TAAR5: variants seen among roughly 807,000 people sequenced by gnomAD.
TAAR5 encodes the protein trace amine associated receptor 5.
TAAR5 carries 27 observed loss-of-function variants against 21.1 expected under a neutral mutation model. The ratio of observed to expected loss-of-function variants is 1.28; its 90% CI spans 0.94 to 1.76. The LOEUF (loss-of-function observed/expected upper bound fraction) is 1.76. Ranked by LOEUF, TAAR5 falls within the 40% of genes most tolerant of loss-of-function variation. TAAR5 has a pLI of 0.00. For missense variants in TAAR5, 495 were observed against 405.6 expected (o/e 1.22, Z -1.89); for synonymous variants, 203 against 167.5 (o/e 1.21, Z -1.64).
At chr6:132,603,955 C>T in the TAAR5 span, among the ~76,000 whole-genome samples, 2 of 151,880 alleles carry the variant, frequency 1.3e-5, no homozygotes, top group Non-Finnish European at 2.9e-5. Flanking sequence ...TACAGAATAA[C>T]TTCTGCTTAT....
At chr6:132,609,008 G>A in the TAAR5 span, 6 of 455,788 alleles carry the variant, frequency 1.3e-5, no homozygotes, top group Non-Finnish European at 1.8e-5. Flanking sequence ...TCCACTGATC[G>A]CATTATGCTG....
At chr6:132,609,876 C>CT in the TAAR5 span, among the ~76,000 whole-genome samples, 10 of 152,296 alleles carry the variant, frequency 6.6e-5, no homozygotes, top group Middle Eastern at 3.4e-3. Flanking sequence ...AGCCATGTAC[C>CT]TATGGGTTAA....
chr6:132,611,589 A>C, the TAAR5 span, among the ~76,000 whole-genome samples: 1 of 152,188 alleles, frequency 6.6e-6, no homozygotes, highest in Non-Finnish European at 1.5e-5. Flanking sequence ...AGTAATTTTA[A>C]AAATTTTTAA....
In TAAR5 at chr6:132,589,412, G is replaced by A. The variant is rs1776869201; in HGVS notation, c.275C>T (p.Thr92Ile). The change falls in exon 1 of 1, where the codon ACC (threonine) becomes ATC (isoleucine). Residue 92 changes from threonine (T) to isoleucine (I), a missense_variant. By Grantham distance (89) the Thr-to-Ile change is moderately conservative (BLOSUM62 -1). Coordinates refer to ENST00000258034, the MANE Select transcript of TAAR5 (RefSeq NM_003967.3). ...CCAGCAGCTCTCCACTGAGCGAATGGTGCTGAGGGGCAGCACCAGCAGACC... is the reference window on the plus strand; with the variant it reads ...CCAGCAGCTCTCCACTGAGCGAATGATGCTGAGGGGCAGCACCAGCAGACC... ...FLGLLVLPLS[T>I]IRSVESCWFF... 1 of 1,614,098 alleles carries A rather than the reference G, an allele frequency of 6.2e-7. No homozygotes were observed. Among genetic ancestry groups the A allele is most frequent in the Non-Finnish European group, 8.5e-7 (1 of 1,179,994 alleles).
At chr6:132,598,211 G>C in the TAAR5 span, among the ~76,000 whole-genome samples, 1 of 152,114 alleles carries the variant, frequency 6.6e-6, no homozygotes, top group South Asian at 2.1e-4. Flanking sequence ...AGTGGCATAG[G>C]TAAGGGAAAT....
the TAAR5 span, chr6:132,608,827 A>G: frequency 1.1e-5 from 5 of 455,888 alleles, no homozygotes; most frequent in Admixed American, 2.4e-5. Context: ...AAATGCCAGC[A>G]GTTGCTTTAT....
chr6:132,597,410 G>C, the TAAR5 span, among the ~76,000 whole-genome samples: 4 of 152,076 alleles, frequency 2.6e-5, no homozygotes, highest in Non-Finnish European at 5.9e-5. Flanking sequence ...ATGAAAACAA[G>C]TAACCACATG....
At chr6:132,611,229 G>A in the TAAR5 span, among the ~76,000 whole-genome samples, 2 of 144,628 alleles carry the variant, frequency 1.4e-5, no homozygotes, top group Non-Finnish European at 1.5e-5. Flanking sequence ...AAAAAAAAAA[G>A]CATTGAACTC....
the TAAR5 span, among the ~76,000 whole-genome samples, chr6:132,602,635 A>G: frequency 6.6e-6 from 1 of 152,024 alleles, no homozygotes; most frequent in Non-Finnish European, 1.5e-5. Flanking sequence ...ACTATTACCC[A>G]TCTGTGGTCT....
rs367936802 is a variant in TAAR5, at chr6:132,588,865, G to A, written c.822C>T (p.Val274=). Residue 274 remains valine, a synonymous_variant, in exon 1 of 1, where the codon GTC becomes GTT. Transcript: ENST00000258034. ...CWLPFTIDTM[V]DSLLHFITPP... Reference sequence around the variant, plus strand: ...GTGTGATAAAGTGAAGGAGGCTGTCGACCATCGTGTCTATGGTGAAGGGCA... The same window carrying A: ...GTGTGATAAAGTGAAGGAGGCTGTCAACCATCGTGTCTATGGTGAAGGGCA... 22 of 1,613,892 alleles carry A rather than the reference G, an allele frequency of 1.4e-5. No individual in the cohort carries two copies. The highest frequency in any genetic ancestry group is 1.6e-4 in the Middle Eastern group (1 of 6,084).
chr6:132,589,111 G>A lies in TAAR5; in HGVS notation c.576C>T (p.Cys192=), dbSNP rs780277243. 6 of 1,613,592 alleles carry A rather than the reference G, an allele frequency of 3.7e-6. No homozygotes were observed. The highest frequency in any genetic ancestry group is 4.5e-5 in the East Asian group (2 of 44,838). The part of the protein sequence containing the change: ...WLEEMPCVGS[C]QLLLNKFWGW... ...CCCAAAATTTATTGAGCAGCAGCTG[G>A]CAACTGCCCACACAAGGCATCTCTT... is the stretch of plus-strand genomic sequence containing the variant. The change falls in exon 1 of 1, where the codon TGC becomes TGT. Residue 192 remains cysteine, a synonymous_variant. Transcript: ENST00000258034.
chr6:132,594,129 G>C (rs1446186314), upstream of TAAR5, among the ~76,000 whole-genome samples: 1 of 152,148 alleles, frequency 6.6e-6, no homozygotes, highest in African/African-American at 2.4e-5. Context: ...TAAAATTCTA[G>C]ATCCCTAATT....
At chr6:132,605,399 C>T in the TAAR5 span, among the ~76,000 whole-genome samples, 1 of 152,150 alleles carries the variant, frequency 6.6e-6, no homozygotes, top group Non-Finnish European at 1.5e-5. Flanking sequence ...TTCCGTATAA[C>T]CTTACAGCTA....
chr6:132,600,188 A>C, the TAAR5 span, among the ~76,000 whole-genome samples: 2 of 152,194 alleles, frequency 1.3e-5, no homozygotes, highest in Non-Finnish European at 2.9e-5. Context: ...GTTTGGAAAA[A>C]GTCCCTTTAT....
the TAAR5 span, among the ~76,000 whole-genome samples, chr6:132,596,279 C>A: frequency 6.6e-6 from 1 of 152,112 alleles, no homozygotes; most frequent in Non-Finnish European, 1.5e-5. Flanking sequence ...ATAATTAATG[C>A]CATTGCCCTT....
chr6:132,603,831 CAGTA>C, the TAAR5 span, among the ~76,000 whole-genome samples: 12 of 152,024 alleles, frequency 7.9e-5, no homozygotes, highest in African/African-American at 2.7e-4. Context: ...ATTAAATCAT[CAGTA>C]AGAGAACTTG....
rs1776862891 is a variant in TAAR5, at chr6:132,589,195, T to C, written c.492A>G (p.Ala164=). Residue 164 remains alanine, a synonymous_variant, in exon 1 of 1, where the codon GCA becomes GCG. Coordinates refer to ENST00000258034, the MANE Select transcript of TAAR5 (RefSeq NM_003967.3). The part of the protein sequence containing the change: ...YILAGWGVPA[A]YTSLFLYTDV... Reference sequence around the variant, plus strand: ...CTGTGTAGAGGAATAACGAAGTGTATGCTGCGGGCACCCCCCATCCTGCCA... The same window carrying C: ...CTGTGTAGAGGAATAACGAAGTGTACGCTGCGGGCACCCCCCATCCTGCCA... 2 of 1,605,794 alleles carry C rather than the reference T, an allele frequency of 1.2e-6. No individual in the cohort carries two copies. Among genetic ancestry groups the C allele is most frequent in the South Asian group, 1.1e-5 (1 of 89,102 alleles).
At chr6:132,616,724 T>C in the TAAR5 span, among the ~76,000 whole-genome samples, 1 of 152,226 alleles carries the variant, frequency 6.6e-6, no homozygotes, top group Non-Finnish European at 1.5e-5. Flanking sequence ...TGCTGATGCT[T>C]CAAAGTACAT....
the TAAR5 span, among the ~76,000 whole-genome samples, chr6:132,615,597 A>T: frequency 1.3e-5 from 2 of 152,124 alleles, no homozygotes; most frequent in Non-Finnish European, 2.9e-5. Flanking sequence ...GTTGAGGAAC[A>T]TGATTTTACT....
Sources: gnomAD v4.1 joint callset for allele counts (sites outside exome capture counted in the v4.1 genomes callset) on GRCh38, gnomAD v4.1.1 for gene constraint, MANE v1.5 for transcripts, NCBI Gene and HGNC (gene_info 2026-07-23, HGNC 2026-07-21) for gene names.